PCDHGB4: variants seen among roughly 807,000 people sequenced by gnomAD.
PCDHGB4 encodes the protein protocadherin gamma-B4.
A neutral mutation model predicts 60.5 loss-of-function variants in PCDHGB4; 38 were observed. The observed-to-expected ratio is 0.63, with a 90% CI of 0.48 to 0.82. The LOEUF (loss-of-function observed/expected upper bound fraction) is 0.82, where lower values mean the gene tolerates loss of function less well. Among genes scored for constraint, PCDHGB4 ranks in the 40% least tolerant of loss-of-function variants. The pLI is 0.00. For missense variants in PCDHGB4, 1,109 were observed against 1,209.6 expected, an observed-to-expected ratio of 0.92 and a Z score of 1.23; for synonymous variants, 456 against 509.7, an observed-to-expected ratio of 0.89 and a Z score of 1.42.
intron 1 of PCDHGB4, chr5:141,402,829 T>C: frequency 7.5e-7 from 1 of 1,342,036 alleles, no homozygotes; most frequent in Non-Finnish European, 9.8e-7. Flanking sequence ...GCTCCCAGGC[T>C]GCAGCAAAAC....
At chr5:141,475,979 C>A in intron 1 of PCDHGB4, 1 of 1,020,182 alleles carries the variant, frequency 9.8e-7, no homozygotes, top group Non-Finnish European at 1.4e-6. Flanking sequence ...GACTGAACAG[C>A]CGGCGAGCAA....
At chr5:141,392,577 T>C in intron 1 of PCDHGB4, 1 of 462,996 alleles carries the variant, frequency 2.2e-6, no homozygotes. Context: ...TTTAGGACTG[T>C]AAGCGCCGCT....
chr5:141,510,291 A>AG (rs903726285), intron 3 of PCDHGB4, among the ~76,000 whole-genome samples: 1 of 150,450 alleles, frequency 6.6e-6, no homozygotes, highest in African/African-American at 2.4e-5. Context: ...AAAAAAAAAA[A>AG]TGCTGTTTTG....
At chr5:141,481,618 G>C (rs1339565594) in intron 1 of PCDHGB4, among the ~76,000 whole-genome samples, 1 of 152,142 alleles carries the variant, frequency 6.6e-6, no homozygotes, top group African/African-American at 2.4e-5. Context: ...AGGAGTTCAA[G>C]ACCGGCCTGG....
intron 3 of PCDHGB4, among the ~76,000 whole-genome samples, chr5:141,507,645 G>A (rs565235954): frequency 6.6e-6 from 1 of 152,382 alleles, no homozygotes; most frequent in South Asian, 2.1e-4. Flanking sequence ...CTGAGGCCAG[G>A]AAGCAGCTTT....
intron 1 of PCDHGB4, chr5:141,416,087 G>A (rs1201318552): frequency 1.2e-5 from 2 of 165,800 alleles, no homozygotes; most frequent in East Asian, 3.3e-4. Flanking sequence ...TTCCCAAGGA[G>A]AAGGGCAATA....
chr5:141,491,826 C>G lies in PCDHGB4; in HGVS notation c.2398-2981C>G. ...GGCTTGGTCGCTGGCTGCGCTCCAC[C>G]CGATTCTCGGGATCATTGGACCGTT... On this transcript the variant is annotated intron_variant, in intron 1 of 3. Coordinates refer to ENST00000519479, the MANE Select transcript of PCDHGB4 (RefSeq NM_003736.4). The surrounding 1 kb of genome is among the most constrained non-coding windows in gnomAD (Gnocchi z 6.9). 1 of 1,477,526 alleles carries G rather than the reference C, an allele frequency of 6.8e-7. No individual in the cohort carries two copies. The highest frequency in any genetic ancestry group is 9.0e-7 in the Non-Finnish European group (1 of 1,114,486). 91.5% of individuals were successfully genotyped at this position (1,477,526 alleles called of 1,614,324 possible). A position where few individuals can be genotyped will look rare whatever the true frequency, so the allele number is the denominator to read the frequency against.
intron 1 of PCDHGB4, among the ~76,000 whole-genome samples, chr5:141,435,105 G>C (rs1046201852): frequency 2.6e-5 from 4 of 151,940 alleles, no homozygotes; most frequent in African/African-American, 9.7e-5. Flanking sequence ...TATCTAGGGG[G>C]GAGAAATCTA....
chr5:141,468,443 G>A (rs760789357), intron 1 of PCDHGB4: 6 of 152,124 alleles, frequency 3.9e-5, no homozygotes, highest in Non-Finnish European at 8.8e-5. Context: ...AAATGTGGGT[G>A]CAAAATTAAA....
chr5:141,481,179 T>C (rs115525079), intron 1 of PCDHGB4, among the ~76,000 whole-genome samples: 16 of 152,358 alleles, frequency 1.1e-4, no homozygotes, highest in African/African-American at 3.6e-4. Flanking sequence ...TCCAGCTTTA[T>C]TGGGCCAGGC....
At chr5:141,446,288 G>C (rs1437669688) in intron 1 of PCDHGB4, among the ~76,000 whole-genome samples, 1 of 152,100 alleles carries the variant, frequency 6.6e-6, no homozygotes, top group Non-Finnish European at 1.5e-5. Flanking sequence ...GGATAAATGG[G>C]GAGCAGGGAT....
Position 141,485,209 on chromosome 5 carries a change from G to T in PCDHGB4, c.2398-9598G>T, listed in dbSNP as rs2099609420. The T allele has an allele frequency of 6.2e-7, 1 of 1,614,032 alleles. No individual in the cohort carries two copies. Among genetic ancestry groups the T allele is most frequent in the African/African-American group, 1.3e-5 (1 of 74,938 alleles). On this transcript the variant is annotated intron_variant, in intron 1 of 3. Transcript: ENST00000519479. This position sits in a 1 kb window ranked among gnomAD's most constrained non-coding sequence, Gnocchi z 5.7. Reference sequence around the variant, plus strand: ...AGGTGAGAAGCTGGACAGAAATCTGGCGGTGGGCTACCCTTTTGTTCCTCT... The same window carrying T: ...AGGTGAGAAGCTGGACAGAAATCTGTCGGTGGGCTACCCTTTTGTTCCTCT...
intron 2 of PCDHGB4, among the ~76,000 whole-genome samples, chr5:141,499,133 T>C (rs1443866975): frequency 6.6e-6 from 1 of 152,184 alleles, no homozygotes; most frequent in East Asian, 1.9e-4. Context: ...GGTCATCCTT[T>C]GGGTGTCTGA....
At chr5:141,415,450 C>A (rs774745130) in intron 1 of PCDHGB4, 44 of 1,614,086 alleles carry the variant, frequency 2.7e-5, no homozygotes, top group Non-Finnish European at 3.4e-5. Context: ...GACCTATTCC[C>A]ACGAGGTCTC....
intron 1 of PCDHGB4, among the ~76,000 whole-genome samples, chr5:141,401,668 A>G (rs2094180828): frequency 6.6e-6 from 1 of 152,254 alleles, no homozygotes; most frequent in Non-Finnish European, 1.5e-5. Flanking sequence ...TTTTCTCAAC[A>G]TCCTTGTAGG....
chr5:141,467,811 A>T (rs562932160), intron 1 of PCDHGB4, among the ~76,000 whole-genome samples: 1 of 152,164 alleles, frequency 6.6e-6, no homozygotes, highest in African/African-American at 2.4e-5. Flanking sequence ...GGCACATGCC[A>T]CCACACCAGG....
chr5:141,409,862 G>A (rs1359567076), intron 1 of PCDHGB4: 19 of 1,612,352 alleles, frequency 1.2e-5, no homozygotes, highest in Non-Finnish European at 1.5e-5. Flanking sequence ...GTTGGTGGGA[G>A]ACCGCAATGA....
At chr5:141,394,552 G>C (rs368792885) in intron 1 of PCDHGB4, 1 of 1,614,070 alleles carries the variant, frequency 6.2e-7, no homozygotes, top group Non-Finnish European at 8.5e-7. Flanking sequence ...CTGGCGCCCC[G>C]CTCCGCAGAG....
At chr5:141,417,626 T>G in intron 1 of PCDHGB4, 2 of 689,576 alleles carry the variant, frequency 2.9e-6, no homozygotes, top group East Asian at 2.9e-5. Flanking sequence ...GAGCAAGCGC[T>G]GACGCCGGGG....
Sources: gnomAD v4.1 joint callset for allele counts (sites outside exome capture counted in the v4.1 genomes callset) on GRCh38, gnomAD v4.1.1 for gene constraint, Gnocchi (gnomAD v3.1) non-coding constraint, MANE v1.5 for transcripts, NCBI Gene and HGNC (gene_info 2026-07-23, HGNC 2026-07-21) for gene names.